The following PGBD2 variants were observed in gnomAD, a reference collection of about 807,000 sequenced individuals.
PGBD2 encodes piggyBac transposable element derived 2, also known as piggyBac transposable element-derived protein 2.
Under a neutral mutation model 8.1 loss-of-function variants are expected in PGBD2, and 6 were observed. That is an observed-to-expected ratio of 0.74 (90% confidence interval 0.40 to 1.46). The LOEUF (loss-of-function observed/expected upper bound fraction) is 1.46, where lower values mean the gene tolerates loss of function less well. PGBD2 is among the 40% of genes most tolerant of loss of function. PGBD2 has a pLI of 0.02. For synonymous variants in PGBD2, 318 were observed against 272.2 expected, an observed-to-expected ratio of 1.17 and a Z score of -1.66; for missense variants, 802 against 739.0, an observed-to-expected ratio of 1.09 and a Z score of -0.99.
chr1:248,908,063 A>G (rs895137824), intron 1 of PGBD2, among the ~76,000 whole-genome samples: 6 of 152,188 alleles, frequency 3.9e-5, no homozygotes, highest in African/African-American at 1.4e-4. Context: ...TTAACATCTT[A>G]TTTTACAAAA....
At chr1:248,909,878 G>A (rs1661804607) in intron 1 of PGBD2, among the ~76,000 whole-genome samples, 1 of 152,202 alleles carries the variant, frequency 6.6e-6, no homozygotes, top group African/African-American at 2.4e-5. Context: ...GGCAGAACTG[G>A]GTCGGGATGA....
chr1:248,896,831 C>T, the PGBD2 span, among the ~76,000 whole-genome samples: 1 of 152,232 alleles, frequency 6.6e-6, no homozygotes, highest in African/African-American at 2.4e-5. Flanking sequence ...CTGGGAGCTG[C>T]ATGGAGCAAG....
chr1:248,898,294 C>T, the PGBD2 span, among the ~76,000 whole-genome samples: 1 of 152,180 alleles, frequency 6.6e-6, no homozygotes. Flanking sequence ...GACCTCCCAA[C>T]AGGGGTCTCC....
At chr1:248,913,782 A>T (rs1024245797) in intron 1 of PGBD2, 34 bp from the exon 2 acceptor site, 6 of 1,136,620 alleles carry the variant, frequency 5.3e-6, no homozygotes, top group Non-Finnish European at 7.9e-6. Flanking sequence ...TTAAGATACA[A>T]TTTTTTTTTA....
At chr1:248,874,204 A>C in the PGBD2 span, among the ~76,000 whole-genome samples, 1 of 152,166 alleles carries the variant, frequency 6.6e-6, no homozygotes, top group African/African-American at 2.4e-5. Context: ...ACGTCACAGG[A>C]TATTTATTTA....
At chr1:248,893,089 G>T in the PGBD2 span, among the ~76,000 whole-genome samples, 1 of 152,078 alleles carries the variant, frequency 6.6e-6, no homozygotes, top group Non-Finnish European at 1.5e-5. Context: ...AGGTATAATT[G>T]GTATCCAGAA....
At chr1:248,898,765 C>T in the PGBD2 span, among the ~76,000 whole-genome samples, 1 of 152,088 alleles carries the variant, frequency 6.6e-6, no homozygotes. Flanking sequence ...AAAACATTAA[C>T]CTTAAATGTA....
At chr1:248,879,363 T>G in the PGBD2 span, among the ~76,000 whole-genome samples, 1 of 152,196 alleles carries the variant, frequency 6.6e-6, no homozygotes, top group Non-Finnish European at 1.5e-5. Flanking sequence ...TTCATCTAAT[T>G]ATCTATTAAA....
intron 2 of PGBD2, chr1:248,914,394 A>T: frequency 1.0e-6 from 1 of 985,138 alleles, no homozygotes; most frequent in Non-Finnish European, 1.2e-6. Flanking sequence ...AAGGGCTTTT[A>T]ATTTTCTTTC....
the PGBD2 span, among the ~76,000 whole-genome samples, chr1:248,889,320 G>C: frequency 6.6e-6 from 1 of 151,708 alleles, no homozygotes; most frequent in African/African-American, 2.4e-5. Context: ...GGGAGGCAGA[G>C]ATTGCAGTGA....
At chr1:248,913,723 A>T in intron 1 of PGBD2, 93 bp from the exon 2 acceptor site, 1 of 742,716 alleles carries the variant, frequency 1.3e-6, no homozygotes, top group Non-Finnish European at 2.4e-6. Context: ...ATCTTAAGTC[A>T]AATATATTTT....
the PGBD2 span, among the ~76,000 whole-genome samples, chr1:248,883,742 G>A: frequency 2.6e-5 from 4 of 151,586 alleles, no homozygotes; most frequent in African/African-American, 9.7e-5. Flanking sequence ...TACTACAGGC[G>A]CCCGCCACGA....
chr1:248,925,968 C>A, the PGBD2 span, among the ~76,000 whole-genome samples: 1 of 152,126 alleles, frequency 6.6e-6, no homozygotes, highest in Non-Finnish European at 1.5e-5. Flanking sequence ...TCTGGACACC[C>A]CTTCACCCTA....
At chr1:248,874,878 T>G in the PGBD2 span, among the ~76,000 whole-genome samples, 7 of 149,570 alleles carry the variant, frequency 4.7e-5, no homozygotes, top group East Asian at 5.8e-4. Context: ...CTCTCTCTCT[T>G]CCAAGGTAGA....
the PGBD2 span, among the ~76,000 whole-genome samples, chr1:248,889,127 C>T: frequency 2.6e-5 from 4 of 152,162 alleles, no homozygotes; most frequent in Admixed American, 2.6e-4. Context: ...TGGCTCACGC[C>T]TGTAATCACA....
At chr1:248,879,811 T>A in the PGBD2 span, among the ~76,000 whole-genome samples, 1 of 152,232 alleles carries the variant, frequency 6.6e-6, no homozygotes, top group African/African-American at 2.4e-5. Context: ...TCATTAATTT[T>A]AAAATTATTT....
chr1:248,909,031 G>A (rs1212848504), intron 1 of PGBD2, among the ~76,000 whole-genome samples: 1 of 152,078 alleles, frequency 6.6e-6, no homozygotes, highest in African/African-American at 2.4e-5. Flanking sequence ...ATATATACCT[G>A]GCACCCAGTA....
At chr1:248,892,269 CCCTCCCTTCCTTCCTT>C in the PGBD2 span, among the ~76,000 whole-genome samples, 17 of 115,686 alleles carry the variant, frequency 1.5e-4, no homozygotes, top group African/African-American at 7.4e-4. Flanking sequence ...CTCCCTCCCT[CCCTCCCTTCCTTCCTT>C]CCTTCCTTCC....
downstream of PGBD2, among the ~76,000 whole-genome samples, chr1:248,924,432 G>C (rs1311164650): frequency 6.6e-6 from 1 of 152,064 alleles, no homozygotes; most frequent in South Asian, 2.1e-4. Flanking sequence ...AAGATATTTT[G>C]CCAAATTTTT....
Sources: gnomAD v4.1 joint callset for allele counts (sites outside exome capture counted in the v4.1 genomes callset) on GRCh38, gnomAD v4.1.1 for gene constraint, MANE v1.5 for transcripts, NCBI Gene and HGNC (gene_info 2026-07-23, HGNC 2026-07-21) for gene names.